Variants in KHDRBS2 observed in about 807,000 individuals in gnomAD.
KHDRBS2 encodes KH domain-containing, RNA-binding, signal transduction-associated protein 2.
In KHDRBS2, 26 loss-of-function variants were observed where a neutral mutation model predicts 44.3. That is an observed-to-expected ratio of 0.59 (90% CI 0.43 to 0.81). The LOEUF (loss-of-function observed/expected upper bound fraction) is 0.81. Ranked by LOEUF, KHDRBS2 falls within the 40% of genes least tolerant of loss-of-function variation. The pLI, the probability that KHDRBS2 is intolerant of heterozygous loss-of-function variation, is 0.00. For missense variants in KHDRBS2, 476 were observed against 433.1 expected (o/e 1.10, Z -0.88); for synonymous variants, 194 against 151.1 (o/e 1.28, Z -2.08).
chr6:62,247,798 G>A (rs1835859987), intron 1 of KHDRBS2, among the ~76,000 whole-genome samples: 1 of 151,934 alleles, frequency 6.6e-6, no homozygotes, highest in African/African-American at 2.4e-5. Flanking sequence ...AGAATACCAA[G>A]GAACTAATAC....
At chr6:62,159,496 G>A (rs1817162388) in intron 2 of KHDRBS2, among the ~76,000 whole-genome samples, 1 of 152,028 alleles carries the variant, frequency 6.6e-6, no homozygotes, top group African/African-American at 2.4e-5. Context: ...TCCTTGTTCT[G>A]AATCCATTAT....
chr6:61,759,393 GTACAA>G (rs1450619893), intron 6 of KHDRBS2, among the ~76,000 whole-genome samples: 4 of 151,892 alleles, frequency 2.6e-5, no homozygotes, highest in Non-Finnish European at 4.4e-5. Flanking sequence ...CATTCCCTTT[GTACAA>G]TACATTTCTA....
At chr6:62,037,784 G>T (rs2127297151) in intron 3 of KHDRBS2, among the ~76,000 whole-genome samples, 1 of 152,032 alleles carries the variant, frequency 6.6e-6, no homozygotes, top group East Asian at 1.9e-4. Flanking sequence ...GCATATGCAA[G>T]AATACTGGCA....
chr6:61,952,732 C>T (rs1765027287), intron 4 of KHDRBS2, among the ~76,000 whole-genome samples: 1 of 152,014 alleles, frequency 6.6e-6, no homozygotes, highest in African/African-American at 2.4e-5. Context: ...TTATCATAGC[C>T]TAATGTGTCA....
chr6:61,794,611 T>TA (rs1210332995), intron 6 of KHDRBS2, among the ~76,000 whole-genome samples: 6 of 152,198 alleles, frequency 3.9e-5, no homozygotes, highest in African/African-American at 1.4e-4. Flanking sequence ...TCAAATGCCA[T>TA]AAAAAACAAC....
chr6:61,667,877 T>G, the KHDRBS2 span, among the ~76,000 whole-genome samples: 4 of 151,342 alleles, frequency 2.6e-5, no homozygotes, highest in South Asian at 8.3e-4. Context: ...CAATAAATCA[T>G]TTGAATATTA....
At chr6:61,935,960 C>T (rs73489443) in intron 4 of KHDRBS2, among the ~76,000 whole-genome samples, 1,576 of 152,008 alleles carry the variant, frequency 0.01, 29 homozygotes, top group African/African-American at 0.036. Context: ...ATTTTATGTC[C>T]TCCTTTTCCA....
At chr6:61,631,305 C>CAAAAAAA in the KHDRBS2 span, among the ~76,000 whole-genome samples, 27 of 66,986 alleles carry the variant, frequency 4.0e-4, 1 homozygote, top group African/African-American at 7.2e-4. Context: ...ACGAATAAGC[C>CAAAAAAA]AAAAAAAAAA....
intron 6 of KHDRBS2, among the ~76,000 whole-genome samples, chr6:61,796,694 T>C (rs1307633670): frequency 1.3e-5 from 2 of 152,102 alleles, no homozygotes; most frequent in Non-Finnish European, 2.9e-5. Flanking sequence ...GGGTATAATT[T>C]TGGTTATGTA....
chr6:61,737,145 T>A (rs1170985572), intron 6 of KHDRBS2, among the ~76,000 whole-genome samples: 1 of 152,118 alleles, frequency 6.6e-6, no homozygotes, highest in Non-Finnish European at 1.5e-5. Flanking sequence ...CTATTATCTC[T>A]ATTTATGAAG....
intron 1 of KHDRBS2, among the ~76,000 whole-genome samples, chr6:62,188,597 A>T (rs770528471): frequency 5.9e-5 from 9 of 152,312 alleles, no homozygotes; most frequent in Non-Finnish European, 1.2e-4. Flanking sequence ...TTAATTAAGT[A>T]TGGGAAATAA....
intron 6 of KHDRBS2, among the ~76,000 whole-genome samples, chr6:61,779,496 C>A (rs1460297405): frequency 2.0e-5 from 3 of 151,892 alleles, no homozygotes; most frequent in South Asian, 2.1e-4. Context: ...AGTATGGTAA[C>A]CTGTAGAATA....
chr6:61,816,016 A>G (rs1788862563), intron 6 of KHDRBS2, among the ~76,000 whole-genome samples: 1 of 152,164 alleles, frequency 6.6e-6, no homozygotes, highest in Non-Finnish European at 1.5e-5. Flanking sequence ...GTTCCTTAGT[A>G]AGCCCAAACT....
the KHDRBS2 span, among the ~76,000 whole-genome samples, chr6:61,662,571 C>T: frequency 1.3e-5 from 2 of 152,078 alleles, no homozygotes; most frequent in Non-Finnish European, 2.9e-5. Flanking sequence ...CAAACAACCC[C>T]ATCAACAAGT....
At chr6:61,919,551 C>T (rs1370218609) in intron 4 of KHDRBS2, among the ~76,000 whole-genome samples, 3 of 151,698 alleles carry the variant, frequency 2.0e-5, no homozygotes, top group Admixed American at 6.6e-5. Context: ...TTCCTCAATT[C>T]TAATGTATTG....
At chr6:62,067,701 T>TA (rs918445035) in intron 2 of KHDRBS2, among the ~76,000 whole-genome samples, 5 of 151,480 alleles carry the variant, frequency 3.3e-5, no homozygotes, top group Non-Finnish European at 5.9e-5. Flanking sequence ...AAGTCCTCTG[T>TA]AAAAAAATCC....
intron 8 of KHDRBS2, among the ~76,000 whole-genome samples, chr6:61,696,848 G>A (rs1264390903): frequency 6.6e-6 from 1 of 152,014 alleles, no homozygotes; most frequent in Non-Finnish European, 1.5e-5. Context: ...TTAAATGTAT[G>A]TTACTCTGAT....
chr6:62,200,905 A>G (rs1183178331), intron 1 of KHDRBS2, among the ~76,000 whole-genome samples: 1 of 145,894 alleles, frequency 6.9e-6, no homozygotes, highest in South Asian at 2.3e-4. Context: ...CTATGCAGCC[A>G]TAAAAAATGA....
At chr6:61,729,787 C>G (rs1372306632) in intron 7 of KHDRBS2, among the ~76,000 whole-genome samples, 3 of 151,998 alleles carry the variant, frequency 2.0e-5, no homozygotes, top group African/African-American at 7.2e-5. Context: ...TTTTAAAAGG[C>G]AGGTTATTTA....
Sources: gnomAD v4.1 joint callset for allele counts (sites outside exome capture counted in the v4.1 genomes callset) on GRCh38, gnomAD v4.1.1 for gene constraint, MANE v1.5 for transcripts, NCBI Gene and HGNC (gene_info 2026-07-23, HGNC 2026-07-21) for gene names.